The following HNRNPL variants were observed in gnomAD, a reference collection of about 807,000 sequenced individuals.
HNRNPL encodes epididymis secretory sperm binding protein.
Under a neutral mutation model 64.0 loss-of-function variants are expected in HNRNPL, and 12 were observed. That is an observed-to-expected ratio of 0.19 (90% confidence interval 0.12 to 0.30). HNRNPL has a LOEUF of 0.30. Ranked by LOEUF, HNRNPL falls within the 10% of genes least tolerant of loss-of-function variation. HNRNPL has a pLI of 1.00. For missense variants in HNRNPL, 484 were observed against 797.4 expected (o/e 0.61, Z 4.73); for synonymous variants, 385 against 313.0 (o/e 1.23, Z -2.43).
At chr19:38,837,128 A>T in intron 12 of HNRNPL, 1 of 566,192 alleles carries the variant, frequency 1.8e-6, no homozygotes, top group Non-Finnish European at 3.2e-6. Context: ...GATGCAAAGA[A>T]GAGAATGCCA....
At position 38,849,685 on chromosome 19, in the gene HNRNPL, G is replaced by A; in HGVS notation, c.267+15C>T. The A allele has an allele frequency of 7.5e-7, 1 of 1,326,270 alleles. No individual in the cohort carries two copies. Among genetic ancestry groups the A allele is most frequent in the Non-Finnish European group, 9.6e-7 (1 of 1,044,758 alleles). 82.2% of individuals were successfully genotyped at this position (1,326,270 alleles called of 1,614,324 possible). On this transcript the variant is annotated intron_variant, in intron 1 of 12. Transcript: ENST00000221419. ...CAGTTCCCGGCCTTCCCAGCGCCTA[G>A]GGCCCTGGCCTCACCCCACCGCCGC...
intron 9 of HNRNPL, 96 bp from the exon 10 acceptor site, chr19:38,838,694 C>T: frequency 7.2e-7 from 1 of 1,382,178 alleles, no homozygotes; most frequent in Non-Finnish European, 1.0e-6. Context: ...CCCTGTGTGC[C>T]TTGGGGCATT....
intron 6 of HNRNPL, chr19:38,841,238 T>C: frequency 3.4e-6 from 1 of 290,250 alleles, no homozygotes; most frequent in South Asian, 3.1e-5. Context: ...GCCTTTAACT[T>C]AGCGCTTAAG....
intron 12 of HNRNPL, 148 bp from the exon 13 acceptor site, chr19:38,836,928 G>A (rs1246275100): frequency 5.0e-6 from 3 of 604,592 alleles, no homozygotes; most frequent in Non-Finnish European, 9.0e-6. Context: ...TTCAAGATGA[G>A]CCAATTACCA....
chr19:38,843,502 GGAGT>G (rs757351719), intron 6 of HNRNPL: 18 of 311,062 alleles, frequency 5.8e-5, no homozygotes, highest in African/African-American at 3.0e-4. Context: ...CAGCAAGAAT[GGAGT>G]GAGTGACCCT....
intron 6 of HNRNPL, among the ~76,000 whole-genome samples, chr19:38,843,186 T>TG (rs979049133): frequency 2.0e-5 from 3 of 152,068 alleles, no homozygotes; most frequent in Admixed American, 6.5e-5. Flanking sequence ...ATGGTCTTGT[T>TG]GGGGGGCTGC....
chr19:38,838,223 A>G (rs1267142390), intron 10 of HNRNPL, among the ~76,000 whole-genome samples, 174 bp downstream of exon 10: 1 of 152,252 alleles, frequency 6.6e-6, no homozygotes, highest in East Asian at 1.9e-4. Flanking sequence ...CACCCTGTCC[A>G]GTTTGAGAGC....
rs1426749778 is a variant in HNRNPL at position 38,849,742 on chromosome 19, ACCGCCGCCGCCT to A, written c.213_224del (p.Gly76_Gly79del). ...CCGCCGCCCCGGCTCCTCCACCGCCACCGCCGCCGCCTCCGTGCTGGTCGCCGGCGTTGTCAG... is the reference window on the plus strand; with the variant it reads ...CCGCCGCCCCGGCTCCTCCACCGCCACCGTGCTGGTCGCCGGCGTTGTCAG... On this transcript the variant is annotated inframe_deletion, in exon 1 of 13. Coordinates refer to ENST00000221419, the MANE Select transcript of HNRNPL (RefSeq NM_001533.3). 1 of 1,384,670 alleles carries A rather than the reference ACCGCCGCCGCCT, an allele frequency of 7.2e-7. No individual in the cohort carries two copies. The highest frequency in any genetic ancestry group is 9.3e-7 in the Non-Finnish European group (1 of 1,071,234). 85.8% of individuals were successfully genotyped at this position (1,384,670 alleles called of 1,614,324 possible).
chr19:38,847,404 C>A lies in HNRNPL; in HGVS notation c.298G>T (p.Ala100Ser). The A allele has an allele frequency of 6.4e-7, 1 of 1,551,272 alleles. No individual in the cohort carries two copies. Among genetic ancestry groups the A allele is most frequent in the Non-Finnish European group, 8.7e-7 (1 of 1,149,808 alleles). Residue 100 changes from alanine (A) to serine (S), a missense_variant, in exon 2 of 13, where the codon GCC becomes TCC. By Grantham distance (99) the Ala-to-Ser change is moderately conservative. Transcript: ENST00000221419. ...ENYDDPHKTP[A>S]SPVVHIRGLI... The stretch of plus-strand genomic sequence containing the variant: ...CCCCTGATGTGGACAACTGGGGAGG[C>A]AGGGGTTTTGTGCGGGTCATCGTAG...
At chr19:38,843,275 T>C (rs1000113012) in intron 6 of HNRNPL, 5 of 153,682 alleles carry the variant, frequency 3.3e-5, no homozygotes, top group African/African-American at 9.7e-5. Context: ...AGGAAGGGAG[T>C]TGTCCATTTG....
At chr19:38,850,556 G>A (rs1014650218), upstream of HNRNPL, among the ~76,000 whole-genome samples, 7 of 152,216 alleles carry the variant, frequency 4.6e-5, no homozygotes, top group African/African-American at 1.4e-4. Flanking sequence ...CCCCGCCCCA[G>A]GGTAGGCGCT....
chr19:38,840,585 G>A lies in HNRNPL; in HGVS notation c.881-26C>T. On this transcript the variant is annotated intron_variant, in intron 6 of 12. Transcript: ENST00000221419. ...CTGTGGAGAGAGAAAACAGTTAGGA[G>A]TCTCACTCAGAAATTGGGGTCTCTC... 5 of 1,549,228 alleles carry A rather than the reference G, an allele frequency of 3.2e-6. No homozygotes were observed. The South Asian group carries it at 3.6e-5, about 11-fold the overall frequency.
intron 8 of HNRNPL, chr19:38,839,255 G>C: frequency 2.0e-6 from 1 of 508,348 alleles, no homozygotes; most frequent in African/African-American, 1.9e-5. Flanking sequence ...AGTGAAGCAT[G>C]ACAGAAAACT....
rs1971939237 is a variant in HNRNPL at position 38,836,669 on chromosome 19, A to G, written c.*53T>C. On this transcript the variant is annotated 3_prime_UTR_variant, in exon 13 of 13. Transcript: ENST00000221419. ...AAATAACAAAAACAAAAAATGGCAT[A>G]AAGGAAAGAGAAATGTCTTCCTGCT... 3.2e-6 allele frequency: 4 copies of G among 1,238,410 alleles called. No individual in the cohort carries two copies. The East Asian group carries it at 7.2e-5, about 22-fold the overall frequency. The allele number at this position is 1,238,410 out of a possible 1,614,324, so 76.7% of individuals were successfully genotyped here. A position where few individuals can be genotyped will look rare whatever the true frequency, so the allele number is the denominator to read the frequency against.
rs572466486 is a variant in HNRNPL at position 38,840,421 on chromosome 19, C to T, written c.953-45G>A. On this transcript the variant is annotated intron_variant, in intron 7 of 12. Coordinates refer to ENST00000221419, the MANE Select transcript of HNRNPL (RefSeq NM_001533.3). ...GAGAGGGAGGACGGGTGAGAATTTG[C>T]ACGGCGGGCGGCGGGCAGGGGCACA... 9.6e-5 allele frequency: 150 copies of T among 1,562,764 alleles called. 2 individuals are homozygous for T. In the East Asian group the frequency reaches 3.4e-3, roughly 35 times the overall value.
In HNRNPL at chr19:38,836,422, T is replaced by C; in HGVS notation, c.*300A>G. On this transcript the variant is annotated 3_prime_UTR_variant, in exon 13 of 13. Coordinates refer to ENST00000221419, the MANE Select transcript of HNRNPL (RefSeq NM_001533.3). Reference sequence around the variant, plus strand: ...TATTTTCCAAACAATTTTATTGAAATGTGCCAAGAGTACATGGGCAGCACA... The same window carrying C: ...TATTTTCCAAACAATTTTATTGAAACGTGCCAAGAGTACATGGGCAGCACA... 4.0e-6 allele frequency: 1 copy of C among 250,978 alleles called. No homozygotes were observed. The highest frequency in any genetic ancestry group is 7.7e-6 in the Non-Finnish European group (1 of 129,666). The allele number at this position is 250,978 out of a possible 1,614,324, so 15.5% of individuals were successfully genotyped here. A position where few individuals can be genotyped will look rare whatever the true frequency, so the allele number is the denominator to read the frequency against.
At chr19:38,839,438 T>C (rs1202622859) in intron 8 of HNRNPL, 2 of 186,450 alleles carry the variant, frequency 1.1e-5, no homozygotes, top group Admixed American at 1.1e-4. Flanking sequence ...TGAGTCCTGC[T>C]TCACATAAAG....
chr19:38,849,238 G>T, intron 1 of HNRNPL: 1 of 171,342 alleles, frequency 5.8e-6, no homozygotes, highest in African/African-American at 2.4e-5. Context: ...GGGCCTTAGA[G>T]ATTAAGCTGC....
intron 10 of HNRNPL, 46 bp from the exon 11 acceptor site, chr19:38,837,697 C>A: frequency 1.3e-6 from 2 of 1,554,408 alleles, no homozygotes; most frequent in South Asian, 1.1e-5. Flanking sequence ...ACAAAAGGGC[C>A]GCCACACAGG....
Sources: gnomAD v4.1 joint callset for allele counts (sites outside exome capture counted in the v4.1 genomes callset) on GRCh38, gnomAD v4.1.1 for gene constraint, MANE v1.5 for transcripts, NCBI Gene and HGNC (gene_info 2026-07-23, HGNC 2026-07-21) for gene names.